Variants in SETBP1 observed in about 807,000 individuals in gnomAD.
SETBP1 encodes the protein SET-binding protein.
In SETBP1, 9 loss-of-function variants were observed where a neutral mutation model predicts 101.0. The observed-to-expected ratio is 0.09, with a 90% CI of 0.05 to 0.16. The LOEUF (loss-of-function observed/expected upper bound fraction) is 0.16. Ranked by LOEUF, SETBP1 falls within the 10% of genes least tolerant of loss-of-function variation. The probability of loss-of-function intolerance (pLI) is 1.00; values close to 1 mark genes in which losing one functional copy is unlikely to be tolerated. For synonymous variants in SETBP1, 818 were observed against 788.5 expected (o/e 1.04, Z -0.63); for missense variants, 1,858 against 2,033.8 (o/e 0.91, Z 1.66).
At chr18:44,723,554 A>G (rs548032109) in intron 2 of SETBP1, among the ~76,000 whole-genome samples, 10 of 152,342 alleles carry the variant, frequency 6.6e-5, no homozygotes, top group African/African-American at 1.9e-4. Flanking sequence ...GAGTGCTAAA[A>G]ATGAGACAGG....
chr18:44,950,678 A>G lies in SETBP1; in HGVS notation c.1338A>G (p.Glu446=). ...ALASGITMSS[E]VVNRILSNSE... is the part of the protein sequence containing the mutation. ...CTTCTGGAATCACCATGAGCAGTGA[A>G]GTAGTTAACAGGATACTTTCCAACT... Residue 446 remains glutamate, a synonymous_variant, in exon 4 of 6, where the codon GAA becomes GAG. Coordinates refer to ENST00000649279, the MANE Select transcript of SETBP1 (RefSeq NM_015559.3). 6.2e-7 allele frequency: 1 copy of G among 1,614,190 alleles called. No homozygotes were observed. The highest frequency in any genetic ancestry group is 1.3e-5 in the African/African-American group (1 of 75,056).
intron 2 of SETBP1, among the ~76,000 whole-genome samples, chr18:44,814,498 G>C (rs1329022157): frequency 6.6e-6 from 1 of 152,184 alleles, no homozygotes; most frequent in Non-Finnish European, 1.5e-5. Flanking sequence ...CAGACATACT[G>C]TCTGTTAGTC....
Position 44,952,467 on chromosome 18 carries a change from C to T in SETBP1, c.3127C>T (p.Pro1043Ser). ...PFLQGFSYPI[P>S]SGSYYAPYGM... ...TTTACAAGGGTTCAGCTACCCTATTCCCAGTGGAAGTTACTATGCACCCTA... is the reference window on the plus strand; with the variant it reads ...TTTACAAGGGTTCAGCTACCCTATTTCCAGTGGAAGTTACTATGCACCCTA... The change falls in exon 4 of 6, where the codon CCC becomes TCC. Residue 1043 changes from proline (P) to serine (S), a missense_variant. Pro to Ser is a moderately conservative substitution (Grantham distance 74). Transcript: ENST00000649279. The T allele has an allele frequency of 1.2e-6, 2 of 1,614,070 alleles. No homozygotes were observed. The highest frequency in any genetic ancestry group is 1.7e-6 in the Non-Finnish European group (2 of 1,180,026).
At chr18:44,886,322 A>T (rs1380423193) in intron 3 of SETBP1, among the ~76,000 whole-genome samples, 1 of 152,130 alleles carries the variant, frequency 6.6e-6, no homozygotes, top group Non-Finnish European at 1.5e-5. Flanking sequence ...AGAGGCTATG[A>T]GAAGTACAAA....
rs935729049 is a variant in SETBP1 at position 45,065,697 on chromosome 18, T to G, written c.*1999T>G. 6 of 152,358 alleles carry G rather than the reference T, an allele frequency of 3.9e-5. No individual in the cohort carries two copies. Among genetic ancestry groups the G allele is most frequent in the Non-Finnish European group, 8.8e-5 (6 of 68,036 alleles). 9.4% of individuals were successfully genotyped at this position (152,358 alleles called of 1,614,324 possible). On this transcript the variant is annotated 3_prime_UTR_variant, in exon 6 of 6. Coordinates refer to ENST00000649279, the MANE Select transcript of SETBP1 (RefSeq NM_015559.3). ...TTGCTGCCCACTAGTTCAATCGCAT[T>G]TAATCCTAGCAATATGTAAGTTTAA...
chr18:44,904,259 A>G (rs943879248), intron 3 of SETBP1, among the ~76,000 whole-genome samples: 1 of 152,226 alleles, frequency 6.6e-6, no homozygotes, highest in African/African-American at 2.4e-5. Flanking sequence ...TTGTTTATGC[A>G]TAAGATTTCT....
intron 4 of SETBP1, among the ~76,000 whole-genome samples, chr18:45,031,471 A>T (rs1254913919): frequency 6.6e-6 from 1 of 152,190 alleles, no homozygotes; most frequent in African/African-American, 2.4e-5. Context: ...AACTTTCCCA[A>T]GATCACACAG....
intron 5 of SETBP1, among the ~76,000 whole-genome samples, chr18:45,052,885 T>C (rs1322556652): frequency 2.6e-5 from 4 of 152,228 alleles, no homozygotes; most frequent in Non-Finnish European, 4.4e-5. Flanking sequence ...TGAAAATTCC[T>C]AAAAATCTGA....
intron 4 of SETBP1, among the ~76,000 whole-genome samples, chr18:44,989,987 G>A (rs1187209398): frequency 6.8e-6 from 1 of 146,960 alleles, no homozygotes; most frequent in Non-Finnish European, 1.5e-5. Context: ...CAATCATTAG[G>A]TTTTTAGCCA....
intron 2 of SETBP1, among the ~76,000 whole-genome samples, chr18:44,860,151 C>T (rs1301506281): frequency 1.3e-5 from 2 of 152,156 alleles, no homozygotes; most frequent in African/African-American, 2.4e-5. Context: ...CAGTTCTAAG[C>T]AGAAATTCCG....
At chr18:44,735,708 T>C (rs1214897652) in intron 2 of SETBP1, among the ~76,000 whole-genome samples, 3 of 152,146 alleles carry the variant, frequency 2.0e-5, no homozygotes, top group Non-Finnish European at 4.4e-5. Context: ...AGATTCTAGA[T>C]CAAAACTGTA....
rs2072980398 is a variant in SETBP1, at chr18:44,856,532, T to C, written c.487-12698T>C. Among the ~76,000 whole-genome samples, 4 of 152,254 alleles carry C rather than the reference T, an allele frequency of 2.6e-5. No homozygotes were observed. In the South Asian group the frequency reaches 6.2e-4, roughly 24 times the overall value. ...CTAGGTTGAGGGAGTAAAGCTATTT[T>C]ATCAATCTCATATCTTACTACTTTT... On this transcript the variant is annotated intron_variant, in intron 2 of 5. Coordinates refer to ENST00000649279, the MANE Select transcript of SETBP1 (RefSeq NM_015559.3).
chr18:44,730,802 T>G (rs1237685167), intron 2 of SETBP1, among the ~76,000 whole-genome samples: 3 of 152,192 alleles, frequency 2.0e-5, no homozygotes, highest in African/African-American at 7.2e-5. Context: ...CTGGGAGCCC[T>G]TTATAGACGA....
chr18:44,691,672 C>T (rs911617885), intron 1 of SETBP1, among the ~76,000 whole-genome samples: 6 of 152,118 alleles, frequency 3.9e-5, no homozygotes, highest in South Asian at 2.1e-4. Context: ...CAGAGACTAA[C>T]GGCATATGCT....
chr18:44,709,140 C>T (rs1599016740), intron 2 of SETBP1, among the ~76,000 whole-genome samples: 1 of 152,142 alleles, frequency 6.6e-6, no homozygotes, highest in African/African-American at 2.4e-5. Flanking sequence ...GGGTTTAAAA[C>T]ATGTAGCTTG....
chr18:45,023,301 A>G (rs1395735602), intron 4 of SETBP1, among the ~76,000 whole-genome samples: 2 of 152,258 alleles, frequency 1.3e-5, no homozygotes, highest in Admixed American at 6.5e-5. Context: ...GGTCCCAGGT[A>G]CAATGGAAGG....
chr18:44,892,083 C>G (rs1475312470), intron 3 of SETBP1, among the ~76,000 whole-genome samples: 1 of 152,092 alleles, frequency 6.6e-6, no homozygotes, highest in Non-Finnish European at 1.5e-5. Flanking sequence ...CCTGAATAAT[C>G]CTTTTACATT....
chr18:44,684,654 T>A (rs145986635), intron 1 of SETBP1, among the ~76,000 whole-genome samples: 1 of 150,706 alleles, frequency 6.6e-6, no homozygotes, highest in East Asian at 2.0e-4. Context: ...AATTAATTAA[T>A]TAATTTTTTG....
Position 45,063,894 on chromosome 18 carries a change from CAGA to C in SETBP1, c.*202_*204del, listed in dbSNP as rs1160081876. 7 of 576,062 alleles carry C rather than the reference CAGA, an allele frequency of 1.2e-5. No homozygotes were observed. The highest frequency in any genetic ancestry group is 1.9e-5 in the African/African-American group (1 of 52,252). The allele number at this position is 576,062 out of a possible 1,614,324, so 35.7% of individuals were successfully genotyped here. A position where few individuals can be genotyped will look rare whatever the true frequency, so the allele number is the denominator to read the frequency against. On this transcript the variant is annotated 3_prime_UTR_variant, in exon 6 of 6. Coordinates refer to ENST00000649279, the MANE Select transcript of SETBP1 (RefSeq NM_015559.3). Reference sequence around the variant, plus strand: ...GGAAAGCAAAGCAGGGAGACACCTTCAGAAGAAGCTTGTCTGAGCTTCACCGCA... The same window carrying C: ...GGAAAGCAAAGCAGGGAGACACCTTCAGAAGCTTGTCTGAGCTTCACCGCA...
Sources: gnomAD v4.1 joint callset for allele counts (sites outside exome capture counted in the v4.1 genomes callset) on GRCh38, gnomAD v4.1.1 for gene constraint, MANE v1.5 for transcripts, NCBI Gene and HGNC (gene_info 2026-07-23, HGNC 2026-07-21) for gene names.